The following CHST11 variants were observed in gnomAD, a reference collection of about 807,000 sequenced individuals.
The protein encoded by CHST11 is carbohydrate sulfotransferase 11.
In CHST11, 9 loss-of-function variants were observed where a neutral mutation model predicts 30.4. The ratio of observed to expected loss-of-function variants is 0.30; its 90% CI spans 0.18 to 0.52. The LOEUF (loss-of-function observed/expected upper bound fraction) is 0.52, where lower values mean the gene tolerates loss of function less well. CHST11 is among the 20% of genes least tolerant of loss of function. The pLI, the probability that CHST11 is intolerant of heterozygous loss-of-function variation, is 0.97. For missense variants in CHST11, 348 were observed against 460.6 expected, an observed-to-expected ratio of 0.76 and a Z score of 2.24; for synonymous variants, 152 against 187.8, an observed-to-expected ratio of 0.81 and a Z score of 1.56.
At chr12:104,742,436 C>T (rs1387242092) in intron 2 of CHST11, among the ~76,000 whole-genome samples, 2 of 152,152 alleles carry the variant, frequency 1.3e-5, no homozygotes, top group African/African-American at 4.8e-5. Flanking sequence ...CTCCCCTACT[C>T]CTGCCAGCAG....
At position 104,485,658 on chromosome 12, in the gene CHST11, C is replaced by G. The variant is rs142784648; in HGVS notation, c.118+28129C>G. ...AAGGTAGACTGACTCGGGCACTTCT[C>G]TATGTTCCCTGACATTGCCAGTCTT... is the stretch of plus-strand genomic sequence containing the variant. On this transcript the variant is annotated intron_variant, in intron 1 of 2. Coordinates refer to ENST00000303694, the MANE Select transcript of CHST11 (RefSeq NM_018413.6). Among the ~76,000 whole-genome samples the G allele has an allele frequency of 2.1e-3, 326 of 152,342 alleles. 2 individuals carry two copies. Among genetic ancestry groups the G allele is most frequent in the African/African-American group, 7.4e-3 (306 of 41,580 alleles).
At chr12:104,644,898 T>G (rs559365287) in intron 2 of CHST11, among the ~76,000 whole-genome samples, 2 of 152,372 alleles carry the variant, frequency 1.3e-5, no homozygotes, top group African/African-American at 4.8e-5. Flanking sequence ...CCATGGCTTA[T>G]CTGCATGAAA....
At chr12:104,619,942 G>A (rs371489539) in intron 2 of CHST11, among the ~76,000 whole-genome samples, 34 of 152,296 alleles carry the variant, frequency 2.2e-4, no homozygotes, top group Middle Eastern at 6.8e-3. Context: ...TGGGAGAAAC[G>A]GTTCCCTTAG....
At chr12:104,686,452 G>A (rs988202112) in intron 2 of CHST11, among the ~76,000 whole-genome samples, 1 of 152,122 alleles carries the variant, frequency 6.6e-6, no homozygotes, top group Admixed American at 6.5e-5. Flanking sequence ...TGGAATAAAG[G>A]ATGAGAAACT....
chr12:104,674,388 TA>T (rs1377448899), intron 2 of CHST11, among the ~76,000 whole-genome samples: 4 of 152,230 alleles, frequency 2.6e-5, no homozygotes, highest in Non-Finnish European at 5.9e-5. Flanking sequence ...ACTTTATACT[TA>T]ATCCTTGCAT....
chr12:104,533,003 T>C (rs1049653216), intron 1 of CHST11, among the ~76,000 whole-genome samples: 12 of 152,204 alleles, frequency 7.9e-5, no homozygotes, highest in African/African-American at 2.9e-4. Flanking sequence ...CTTGAACTCC[T>C]GGGCTCAAGC....
At chr12:104,754,586 C>T (rs2040459740) in intron 2 of CHST11, among the ~76,000 whole-genome samples, 1 of 152,188 alleles carries the variant, frequency 6.6e-6, no homozygotes, top group Non-Finnish European at 1.5e-5. Context: ...GTTGCTTCTA[C>T]CTCATTCTAC....
At chr12:104,514,293 G>T in intron 1 of CHST11, 1 of 884,148 alleles carries the variant, frequency 1.1e-6, no homozygotes, top group Admixed American at 1.7e-5. Flanking sequence ...CATTGGAGCG[G>T]TGTTTGGCAG....
chr12:104,552,173 C>T (rs1031970103), intron 1 of CHST11: 1 of 152,216 alleles, frequency 6.6e-6, no homozygotes, highest in Non-Finnish European at 1.5e-5. Flanking sequence ...AGGGACCATA[C>T]CTCTACTCAG....
intron 2 of CHST11, among the ~76,000 whole-genome samples, chr12:104,666,165 T>C (rs964640643): frequency 4.6e-5 from 7 of 152,150 alleles, no homozygotes; most frequent in Admixed American, 4.6e-4. Context: ...GAATTAAGAT[T>C]GAATACTTTA....
At chr12:104,706,456 G>A (rs1486987472) in intron 2 of CHST11, among the ~76,000 whole-genome samples, 1 of 149,138 alleles carries the variant, frequency 6.7e-6, no homozygotes, top group Non-Finnish European at 1.5e-5. Flanking sequence ...GTGAGTGGAT[G>A]GAGAGGGAGA....
At chr12:104,544,654 C>T (rs989611564) in intron 1 of CHST11, among the ~76,000 whole-genome samples, 2 of 146,704 alleles carry the variant, frequency 1.4e-5, no homozygotes, top group Non-Finnish European at 1.5e-5. Context: ...TTGCAGTGAG[C>T]TGAGATCGTG....
At chr12:104,608,798 G>A (rs1171944335) in intron 2 of CHST11, among the ~76,000 whole-genome samples, 1 of 152,104 alleles carries the variant, frequency 6.6e-6, no homozygotes, top group Non-Finnish European at 1.5e-5. Context: ...AGAGATCATT[G>A]TCCCTCATCT....
chr12:104,470,507 G>T (rs2037498385), intron 1 of CHST11, among the ~76,000 whole-genome samples: 1 of 152,078 alleles, frequency 6.6e-6, no homozygotes, highest in East Asian at 1.9e-4. Context: ...GGGGATTATT[G>T]CAATTCAAGG....
intron 2 of CHST11, among the ~76,000 whole-genome samples, chr12:104,697,796 C>T (rs980936814): frequency 2.0e-5 from 3 of 152,176 alleles, no homozygotes; most frequent in Non-Finnish European, 4.4e-5. Flanking sequence ...CATCATCTTT[C>T]CTCAGGGCTC....
At chr12:104,470,748 G>A (rs1430685567) in intron 1 of CHST11, among the ~76,000 whole-genome samples, 1 of 152,176 alleles carries the variant, frequency 6.6e-6, no homozygotes, top group South Asian at 2.1e-4. Flanking sequence ...AGGAAACTGA[G>A]GCTTAGAGAG....
intron 1 of CHST11, among the ~76,000 whole-genome samples, chr12:104,551,649 T>C (rs1451547307): frequency 6.6e-6 from 1 of 152,188 alleles, no homozygotes; most frequent in Non-Finnish European, 1.5e-5. Context: ...GTCAGATTCC[T>C]CGAAGTGATT....
chr12:104,462,186 G>A (rs199829101), intron 1 of CHST11, among the ~76,000 whole-genome samples: 1,127 of 105,876 alleles, frequency 0.011, 34 homozygotes, highest in South Asian at 0.089. Context: ...AAAAAAAAAA[G>A]AAAAAGAAAA....
At chr12:104,722,224 G>A (rs2040183619) in intron 2 of CHST11, among the ~76,000 whole-genome samples, 1 of 150,194 alleles carries the variant, frequency 6.7e-6, no homozygotes, top group South Asian at 2.1e-4. Context: ...GGCTGGTCTT[G>A]AATTCCTGGG....
Sources: gnomAD v4.1 joint callset for allele counts (sites outside exome capture counted in the v4.1 genomes callset) on GRCh38, gnomAD v4.1.1 for gene constraint, MANE v1.5 for transcripts, NCBI Gene and HGNC (gene_info 2026-07-23, HGNC 2026-07-21) for gene names.